SEC24B: variants seen among roughly 807,000 people sequenced by gnomAD.
The protein encoded by SEC24B is SEC24 homolog B, COPII component, also known as protein transport protein Sec24B.
Under a neutral mutation model 142.8 loss-of-function variants are expected in SEC24B, and 45 were observed. The ratio of observed to expected loss-of-function variants is 0.32; its 90% CI spans 0.25 to 0.40. The LOEUF (loss-of-function observed/expected upper bound fraction) is 0.40. Among genes scored for constraint, SEC24B ranks in the 10% least tolerant of loss-of-function variants. SEC24B has a pLI of 1.00. For missense variants in SEC24B, 1,409 were observed against 1,526.8 expected (o/e 0.92, Z 1.29); for synonymous variants, 574 against 568.2 (o/e 1.01, Z -0.15).
At position 109,510,140 on chromosome 4, in the gene SEC24B, G is replaced by A. The variant is rs369103828; in HGVS notation, c.1776+29G>A. On this transcript the variant is annotated intron_variant, in intron 8 of 23. Coordinates refer to ENST00000265175, the MANE Select transcript of SEC24B (RefSeq NM_006323.5). The stretch of plus-strand genomic sequence containing the variant: ...AAGTAACATTTTATAATATTTATGG[G>A]TACTGACATGTATGCTTATGTACAA... The A allele has an allele frequency of 1.9e-5, 23 of 1,224,006 alleles. No homozygotes were observed. The African/African-American group carries it at 2.6e-4, about 14-fold the overall frequency. 75.8% of individuals were successfully genotyped at this position (1,224,006 alleles called of 1,614,324 possible).
chr4:109,513,507 C>T lies in SEC24B; in HGVS notation c.1904-240C>T, dbSNP rs959375194. Among the ~76,000 whole-genome samples, 5 of 152,146 alleles carry T rather than the reference C, an allele frequency of 3.3e-5. No homozygotes were observed. In the East Asian group the frequency reaches 7.7e-4, roughly 23 times the overall value. ...CCATGTTGGTCAGGCTGTTCTCAAA[C>T]TCCTGACCTCGTGATCCGCCCGCCG... On this transcript the variant is annotated intron_variant, in intron 9 of 23. Transcript: ENST00000265175.
At chr4:109,483,023 TATATATGTATTTA>T (rs1160405390) in intron 4 of SEC24B, among the ~76,000 whole-genome samples, 3 of 118,146 alleles carry the variant, frequency 2.5e-5, no homozygotes, top group African/African-American at 1.4e-4. Flanking sequence ...ATATGTTTTT[TATATATGTATTTA>T]TATATATGTA....
At chr4:109,451,928 A>G (rs1471421742) in intron 1 of SEC24B, among the ~76,000 whole-genome samples, 2 of 152,106 alleles carry the variant, frequency 1.3e-5, no homozygotes, top group African/African-American at 4.8e-5. Flanking sequence ...GGTTTTCTTG[A>G]TATCCTGGTT....
Position 109,473,009 on chromosome 4 carries a change from G to C in SEC24B, c.883G>C (p.Asp295His). 6.6e-7 allele frequency: 1 copy of C among 1,512,312 alleles called. No homozygotes were observed. The highest frequency in any genetic ancestry group is 8.8e-7 in the Non-Finnish European group (1 of 1,132,888). 93.7% of individuals were successfully genotyped at this position (1,512,312 alleles called of 1,614,324 possible). A position where few individuals can be genotyped will look rare whatever the true frequency, so the allele number is the denominator to read the frequency against. ...AAATAGTTTCTTCTCTTCAGTTGCA[G>C]ATTCTTTATCCTGTCCTGTTATGCA... ...ANNNPTITVA[D>H]SLSCPVMQNV... The change falls in exon 3 of 24, where the codon GAT (aspartate) becomes CAT (histidine). Residue 295 changes from aspartate (D) to histidine (H), a missense_variant. By Grantham distance (81) the Asp-to-His change is moderately conservative. Around this residue, in one of 2 missense-constraint regions of SEC24B, gnomAD observed 709 missense variants for 673.5 expected, o/e 1.05. Transcript: ENST00000265175.
At chr4:109,475,706 A>G (rs1733039587) in intron 3 of SEC24B, among the ~76,000 whole-genome samples, 1 of 152,154 alleles carries the variant, frequency 6.6e-6, no homozygotes, top group Non-Finnish European at 1.5e-5. Context: ...TTGGAATGAT[A>G]CCTACCATCG....
chr4:109,470,567 C>T lies in SEC24B; in HGVS notation c.878-2437C>T, dbSNP rs187522470. The stretch of plus-strand genomic sequence containing the variant: ...GGGATTCGATATCCCTTGCTGCACA[C>T]CTCCACATATTTGAGCTGTGGCACC... On this transcript the variant is annotated intron_variant, in intron 2 of 23. Coordinates refer to ENST00000265175, the MANE Select transcript of SEC24B (RefSeq NM_006323.5). 3.9e-5 allele frequency among the ~76,000 whole-genome samples: 6 copies of T among 152,220 alleles called. 1 individual carries two copies. The highest frequency in any genetic ancestry group is 6.5e-5 in the Admixed American group (1 of 15,284).
chr4:109,510,355 A>G (rs1561155831), intron 8 of SEC24B, among the ~76,000 whole-genome samples: 1 of 152,234 alleles, frequency 6.6e-6, no homozygotes, highest in Non-Finnish European at 1.5e-5. Context: ...CTTATCTAAC[A>G]GGGAACAAAG....
At chr4:109,451,357 ATTT>A (rs34643747) in intron 1 of SEC24B, among the ~76,000 whole-genome samples, 1 of 138,866 alleles carries the variant, frequency 7.2e-6, no homozygotes. Flanking sequence ...TGCCTTGCTA[ATTT>A]TTTTTTTTTT....
intron 1 of SEC24B, among the ~76,000 whole-genome samples, chr4:109,462,025 G>A (rs1731311205): frequency 6.6e-6 from 1 of 152,012 alleles, no homozygotes; most frequent in South Asian, 2.1e-4. Flanking sequence ...GCCTGTCTCT[G>A]TAAAAAATAA....
chr4:109,456,338 T>TG (rs1561077283), intron 1 of SEC24B, among the ~76,000 whole-genome samples: 4 of 149,462 alleles, frequency 2.7e-5, no homozygotes, highest in Non-Finnish European at 4.5e-5. Flanking sequence ...TTTTTTGTTT[T>TG]TTTTTTTTTT....
intron 2 of SEC24B, among the ~76,000 whole-genome samples, chr4:109,469,451 G>A (rs972694356): frequency 1.3e-5 from 2 of 152,292 alleles, no homozygotes; most frequent in Admixed American, 1.3e-4. Flanking sequence ...AGAGAAGCAA[G>A]TATTATCCAG....
At position 109,463,509 on chromosome 4, in the gene SEC24B, C is replaced by T; in HGVS notation, c.742C>T (p.His248Tyr). 1.2e-6 allele frequency: 2 copies of T among 1,614,166 alleles called. No individual in the cohort carries two copies. The highest frequency in any genetic ancestry group is 1.7e-6 in the Non-Finnish European group (2 of 1,180,036). Reference sequence around the variant, plus strand: ...ACTTCCACCTCTACCATCACAACAGCACCACCAGCAGCAAAGTCTTTCAGG... The same window carrying T: ...ACTTCCACCTCTACCATCACAACAGTACCACCAGCAGCAAAGTCTTTCAGG... ...SPLPPLPSQQ[H>Y]HQQQSLSGYS... The change falls in exon 2 of 24, where the codon CAC (histidine) becomes TAC (tyrosine). Residue 248 changes from histidine to tyrosine, a missense_variant. His to Tyr is a moderately conservative substitution (Grantham distance 83). This residue lies in a region of SEC24B where 709 missense variants were observed against 673.5 expected (regional missense o/e 1.05). Transcript: ENST00000265175.
chr4:109,480,615 G>A (rs1733640268), intron 3 of SEC24B, among the ~76,000 whole-genome samples: 1 of 152,036 alleles, frequency 6.6e-6, no homozygotes, highest in Non-Finnish European at 1.5e-5. Context: ...CAAGTAGCTG[G>A]GACTACAGGC....
At position 109,491,369 on chromosome 4, in the gene SEC24B, C is replaced by T. The variant is rs991722007; in HGVS notation, c.1208C>T (p.Pro403Leu). ...SSTTSSASPM[P>L]NSYDALEGGS... is the part of the protein sequence containing the mutation. ...ACCACAAGCAGTGCTTCTCCAATGC[C>T]CAACAGTTATGATGCCCTGGAAGGA... The change falls in exon 5 of 24, where the codon CCC becomes CTC. Residue 403 changes from proline (P) to leucine (L), a missense_variant. By Grantham distance (98) the Pro-to-Leu change is moderately conservative. Around this residue, in one of 2 missense-constraint regions of SEC24B, gnomAD observed 709 missense variants for 673.5 expected, o/e 1.05. Transcript: ENST00000265175. 1 of 1,613,502 alleles carries T rather than the reference C, an allele frequency of 6.2e-7. No homozygotes were observed. The highest frequency in any genetic ancestry group is 8.5e-7 in the Non-Finnish European group (1 of 1,179,692).
intron 1 of SEC24B, among the ~76,000 whole-genome samples, chr4:109,442,272 T>C (rs1337801752): frequency 6.6e-6 from 1 of 152,158 alleles, no homozygotes; most frequent in Non-Finnish European, 1.5e-5. Context: ...CAGGCATTAC[T>C]CCTTCAGCTG....
intron 6 of SEC24B, among the ~76,000 whole-genome samples, chr4:109,502,246 G>A (rs979774722): frequency 6.6e-6 from 1 of 152,156 alleles, no homozygotes; most frequent in African/African-American, 2.4e-5. Flanking sequence ...GGATGAGATC[G>A]AAGAGCTAAA....
intron 1 of SEC24B, among the ~76,000 whole-genome samples, chr4:109,434,956 C>T (rs1728264568): frequency 6.6e-6 from 1 of 152,188 alleles, no homozygotes; most frequent in African/African-American, 2.4e-5. Context: ...GAGGAATTCT[C>T]CTTACAGACT....
At chr4:109,503,062 C>CTTTTT (rs200320332) in intron 6 of SEC24B, among the ~76,000 whole-genome samples, 1 of 138,428 alleles carries the variant, frequency 7.2e-6, no homozygotes, top group Non-Finnish European at 1.6e-5. Context: ...TTCTTTCTTT[C>CTTTTT]TTTTTTTTTT....
At chr4:109,454,544 AAAAAAAAGAAAG>A (rs922109841) in intron 1 of SEC24B, among the ~76,000 whole-genome samples, 8 of 151,970 alleles carry the variant, frequency 5.3e-5, no homozygotes, top group Admixed American at 4.6e-4. Flanking sequence ...TCTCCAAAAA[AAAAAAAAGAAAG>A]AAAAATAAAA....
Sources: gnomAD v4.1 joint callset for allele counts (sites outside exome capture counted in the v4.1 genomes callset) on GRCh38, gnomAD v4.1.1 for gene constraint, gnomAD v4.1.1 regional missense constraint, MANE v1.5 for transcripts, NCBI Gene and HGNC (gene_info 2026-07-23, HGNC 2026-07-21) for gene names.